PDE10A: variants seen among roughly 807,000 people sequenced by gnomAD.
PDE10A encodes cAMP and cAMP-inhibited cGMP 3',5'-cyclic phosphodiesterase 10A.
PDE10A carries 39 observed loss-of-function variants against 97.7 expected under a neutral mutation model. The observed-to-expected ratio is 0.40, with a 90% CI of 0.31 to 0.52. PDE10A has a LOEUF of 0.52. PDE10A is among the 20% of genes least tolerant of loss of function. PDE10A has a pLI of 0.56. For synonymous variants in PDE10A, 371 were observed against 376.8 expected (o/e 0.98, Z 0.18); for missense variants, 731 against 1,047.8 (o/e 0.70, Z 4.17).
At position 165,388,893 on chromosome 6, in the gene PDE10A, C is replaced by T. The variant is rs538681370; in HGVS notation, c.2455-440G>A. On this transcript the variant is annotated intron_variant, in intron 16 of 21. Coordinates refer to ENST00000539869, the MANE Select transcript of PDE10A (RefSeq NM_001385079.1). The surrounding 1 kb of genome is among the most constrained non-coding windows in gnomAD (Gnocchi z 4.0). Reference sequence around the variant, plus strand: ...AATAAATATAACAGGTAAATCATATCGCATGTAAAAATGGCAAATATATAG... The same window carrying T: ...AATAAATATAACAGGTAAATCATATTGCATGTAAAAATGGCAAATATATAG... Among the ~76,000 whole-genome samples, 6 of 152,160 alleles carry T rather than the reference C, an allele frequency of 3.9e-5. No individual in the cohort carries two copies. The South Asian group carries it at 1.0e-3, about 26-fold the overall frequency.
intron 1 of PDE10A, among the ~76,000 whole-genome samples, chr6:165,881,080 AC>A (rs1183066209): frequency 6.6e-6 from 1 of 152,216 alleles, no homozygotes; most frequent in African/African-American, 2.4e-5. Flanking sequence ...GGTAAACAAA[AC>A]CAGACTTTGA....
At chr6:165,354,444 A>C (rs1219656705) in intron 18 of PDE10A, among the ~76,000 whole-genome samples, 1 of 152,194 alleles carries the variant, frequency 6.6e-6, no homozygotes, top group East Asian at 1.9e-4. Flanking sequence ...TTGTCCAAAC[A>C]AGAAAATAAG....
intron 1 of PDE10A, among the ~76,000 whole-genome samples, chr6:165,873,381 C>T (rs1218284476): frequency 6.6e-6 from 1 of 152,214 alleles, no homozygotes; most frequent in Non-Finnish European, 1.5e-5. Context: ...GGGTTCCTGG[C>T]TCCCCTGCTA....
intron 1 of PDE10A, among the ~76,000 whole-genome samples, chr6:165,767,117 G>A (rs1363268173): frequency 6.6e-6 from 1 of 152,074 alleles, no homozygotes; most frequent in Non-Finnish European, 1.5e-5. Flanking sequence ...CTTTCACTTG[G>A]ACACTTGTTC....
chr6:165,731,993 A>C (rs2128451256), intron 1 of PDE10A, among the ~76,000 whole-genome samples: 1 of 152,290 alleles, frequency 6.6e-6, no homozygotes, highest in East Asian at 1.9e-4. Flanking sequence ...GCGTTCTTTT[A>C]TAAGAAAATT....
intron 13 of PDE10A, among the ~76,000 whole-genome samples, chr6:165,397,173 A>C (rs1786237678): frequency 6.6e-6 from 1 of 152,230 alleles, no homozygotes; most frequent in Admixed American, 6.5e-5. Flanking sequence ...AATGTTTTAC[A>C]AATAATTATA....
chr6:165,591,384 A>G (rs2128385314), intron 1 of PDE10A, among the ~76,000 whole-genome samples: 1 of 152,382 alleles, frequency 6.6e-6, no homozygotes, highest in Non-Finnish European at 1.5e-5. Flanking sequence ...GAATGAAATT[A>G]GCATGATTGT....
At chr6:165,987,740 G>A (rs1392381949) in exon 1 of PDE10A, 5 of 456,296 alleles carry the variant, frequency 1.1e-5, no homozygotes, top group Admixed American at 4.7e-5. Context: ...CGCGCGCTCC[G>A]CTCAGCAGGC....
chr6:165,430,427 T>C (rs1789467888), intron 8 of PDE10A, 82 bp from the exon 9 acceptor site: 8 of 835,134 alleles, frequency 9.6e-6, no homozygotes, highest in Middle Eastern at 4.7e-4. Flanking sequence ...AATTACCTTA[T>C]TTATTGAAAG....
At chr6:165,837,395 GT>G (rs1780092702) in intron 1 of PDE10A, among the ~76,000 whole-genome samples, 1 of 152,028 alleles carries the variant, frequency 6.6e-6, no homozygotes, top group African/African-American at 2.4e-5. Context: ...TCCTCTGTAA[GT>G]TTTTTTTCCC....
intron 2 of PDE10A, among the ~76,000 whole-genome samples, chr6:165,494,730 TG>T (rs1353159093): frequency 6.6e-6 from 1 of 152,098 alleles, no homozygotes; most frequent in Non-Finnish European, 1.5e-5. Context: ...ATAATTTCCT[TG>T]AGGTTTAACA....
At chr6:165,394,864 T>C (rs538622624) in intron 15 of PDE10A, among the ~76,000 whole-genome samples, 1 of 152,174 alleles carries the variant, frequency 6.6e-6, no homozygotes, top group South Asian at 2.1e-4. Context: ...TATAAAATTC[T>C]TGTCAGTAGT....
intron 18 of PDE10A, among the ~76,000 whole-genome samples, chr6:165,353,412 T>C (rs1782823526): frequency 6.6e-6 from 1 of 152,174 alleles, no homozygotes; most frequent in Non-Finnish European, 1.5e-5. Context: ...GAAATTTATG[T>C]TTACACAAAA....
intron 5 of PDE10A, among the ~76,000 whole-genome samples, chr6:165,444,872 A>G (rs943036329): frequency 6.6e-5 from 10 of 152,280 alleles, no homozygotes; most frequent in Admixed American, 3.3e-4. Flanking sequence ...TCATACTTTA[A>G]TAAGTATAAA....
chr6:165,428,515 C>G lies in PDE10A; in HGVS notation c.1653+143G>C, dbSNP rs541360105. 4.7e-5 allele frequency: 27 copies of G among 574,226 alleles called. 1 individual carries two copies. In the African/African-American group the frequency reaches 5.0e-4, roughly 11 times the overall value. 35.6% of individuals were successfully genotyped at this position (574,226 alleles called of 1,614,324 possible). ...CCCCAAAATTAACGCAAGTGACAAACAGATCAAGGTGAATTCCTAAGCCAC... is the reference window on the plus strand; with the variant it reads ...CCCCAAAATTAACGCAAGTGACAAAGAGATCAAGGTGAATTCCTAAGCCAC... On this transcript the variant is annotated intron_variant, in intron 10 of 21. Coordinates refer to ENST00000539869, the MANE Select transcript of PDE10A (RefSeq NM_001385079.1).
intron 3 of PDE10A, among the ~76,000 whole-genome samples, chr6:165,459,375 C>G (rs924840088): frequency 1.3e-5 from 2 of 152,102 alleles, no homozygotes; most frequent in Admixed American, 1.3e-4. Flanking sequence ...ACTTTGCCAG[C>G]CCTTGAATCA....
At chr6:165,352,224 A>T (rs1443827518) in intron 18 of PDE10A, among the ~76,000 whole-genome samples, 1 of 152,210 alleles carries the variant, frequency 6.6e-6, no homozygotes, top group East Asian at 1.9e-4. Context: ...TGCATTTATA[A>T]GTTGCACCTT....
At chr6:165,348,190 T>A (rs1471556948) in intron 18 of PDE10A, among the ~76,000 whole-genome samples, 1 of 152,198 alleles carries the variant, frequency 6.6e-6, no homozygotes, top group Non-Finnish European at 1.5e-5. Flanking sequence ...ATTTTTAAGC[T>A]GCCATTTCAA....
intron 1 of PDE10A, among the ~76,000 whole-genome samples, chr6:165,831,940 T>C (rs759226972): frequency 6.6e-6 from 1 of 152,152 alleles, no homozygotes; most frequent in Non-Finnish European, 1.5e-5. Context: ...TCCTATTGTT[T>C]TGTTTTTGTG....
Sources: allele counts gnomAD v4.1 joint callset (sites outside exome capture counted in the v4.1 genomes callset), GRCh38; gene constraint gnomAD v4.1.1; non-coding constraint Gnocchi (gnomAD v3.1); transcripts MANE v1.5; gene names NCBI Gene and HGNC (gene_info 2026-07-23, HGNC 2026-07-21).